Variants in XRN1 observed in about 807,000 individuals in gnomAD.
XRN1 encodes the protein strand-exchange protein 1 homolog.
In XRN1, 67 loss-of-function variants were observed where a neutral mutation model predicts 222.3. That is an observed-to-expected ratio of 0.30 (90% CI 0.25 to 0.37). The LOEUF (loss-of-function observed/expected upper bound fraction) is 0.37, where lower values mean the gene tolerates loss of function less well. Ranked by LOEUF, XRN1 falls within the 10% of genes least tolerant of loss-of-function variation. XRN1 has a pLI of 1.00. For synonymous variants in XRN1, 643 were observed against 652.4 expected (o/e 0.99, Z 0.22); for missense variants, 1,707 against 2,000.2 (o/e 0.85, Z 2.80).
chr3:142,416,994 A>G, intron 13 of XRN1, 146 bp downstream of exon 13: 1 of 498,984 alleles, frequency 2.0e-6, no homozygotes, highest in South Asian at 2.8e-5. Flanking sequence ...ATGCCACTGC[A>G]CTCCAGCCTG....
At chr3:142,320,691 A>C (rs942106294) in intron 37 of XRN1, among the ~76,000 whole-genome samples, 1 of 152,134 alleles carries the variant, frequency 6.6e-6, no homozygotes, top group African/African-American at 2.4e-5. Flanking sequence ...TTCAGGTCTT[A>C]CATTTAAGAC....
Position 142,312,770 on chromosome 3 carries a change from C to G in XRN1, c.4622-12G>C. ...AGGCATTATATTAGCTGTTAAAAAC[C>G]AAGGAAAATTTTTCTTTTAGTAAAA... On this transcript the variant is annotated splice_polypyrimidine_tract_variant and intron_variant, in intron 39 of 40. Coordinates refer to ENST00000392981, the MANE Select transcript of XRN1 (RefSeq NM_001282857.2). 6.3e-7 allele frequency: 1 copy of G among 1,577,006 alleles called. No individual in the cohort carries two copies. Among genetic ancestry groups the G allele is most frequent in the Non-Finnish European group, 8.6e-7 (1 of 1,160,706 alleles).
At position 142,447,816 on chromosome 3, in the gene XRN1, G is replaced by A. The variant is rs2070595471; in HGVS notation, c.75+54C>T. 5 of 1,598,876 alleles carry A rather than the reference G, an allele frequency of 3.1e-6. No homozygotes were observed. Among genetic ancestry groups the A allele is most frequent in the East Asian group, 4.5e-5 (2 of 44,690 alleles). On this transcript the variant is annotated intron_variant, in intron 1 of 40. Transcript: ENST00000392981. The surrounding 1 kb of genome is among the most constrained non-coding windows in gnomAD (Gnocchi z 4.2). ...AAGCCCCAGCTCTAAGGTGGAGAGGGCCGCGGAGCCCCGGGTCCTCGGCTT... is the reference window on the plus strand; with the variant it reads ...AAGCCCCAGCTCTAAGGTGGAGAGGACCGCGGAGCCCCGGGTCCTCGGCTT...
intron 33 of XRN1, among the ~76,000 whole-genome samples, chr3:142,344,750 A>AG (rs2066092710): frequency 6.6e-6 from 1 of 152,190 alleles, no homozygotes; most frequent in African/African-American, 2.4e-5. Context: ...AAGAAATTAA[A>AG]GACCGAAATA....
At chr3:142,333,925 G>T (rs933825567) in intron 34 of XRN1, among the ~76,000 whole-genome samples, 1 of 152,098 alleles carries the variant, frequency 6.6e-6, no homozygotes, top group Non-Finnish European at 1.5e-5. Context: ...CTAGTGCCTT[G>T]ATCTTGGACT....
Position 142,422,754 on chromosome 3 carries a change from C to G in XRN1, c.799-4G>C. 3.7e-6 allele frequency: 6 copies of G among 1,609,314 alleles called. No individual in the cohort carries two copies. Among genetic ancestry groups the G allele is most frequent in the Non-Finnish European group, 5.1e-6 (6 of 1,177,868 alleles). ...CATATTTAAATGTGATCTTTTCCTA[C>G]AGTAAAATAGAGAACAAAGTCAAAT... is the stretch of plus-strand genomic sequence containing the variant. On this transcript the variant is annotated splice_polypyrimidine_tract_variant and splice_region_variant and intron_variant, in intron 7 of 40. Coordinates refer to ENST00000392981, the MANE Select transcript of XRN1 (RefSeq NM_001282857.2).
At chr3:142,394,727 T>C (rs938685140) in intron 20 of XRN1, among the ~76,000 whole-genome samples, 2 of 152,232 alleles carry the variant, frequency 1.3e-5, no homozygotes, top group African/African-American at 4.8e-5. Context: ...CTGCTCCTTC[T>C]CATTGTTTTT....
chr3:142,371,980 TG>T (rs1344114506), intron 25 of XRN1, among the ~76,000 whole-genome samples: 1 of 152,070 alleles, frequency 6.6e-6, no homozygotes, highest in African/African-American at 2.4e-5. Context: ...GAACTACCAG[TG>T]GGGGAAGTCA....
chr3:142,397,543 A>G (rs2067975858), intron 19 of XRN1, 83 bp from the exon 20 acceptor site: 36 of 1,199,376 alleles, frequency 3.0e-5, no homozygotes, highest in Non-Finnish European at 3.7e-5. Context: ...TCCAAATGAA[A>G]TATTTTTTTC....
intron 3 of XRN1, 36 bp downstream of exon 3, chr3:142,426,708 T>A (rs763233032): frequency 3.2e-6 from 5 of 1,566,904 alleles, no homozygotes; most frequent in East Asian, 4.5e-5. Context: ...AATTTATATT[T>A]CAATTCTGTC....
In XRN1 at chr3:142,349,896, A is replaced by G. The variant is rs568717177; in HGVS notation, c.3769-2554T>C. ...ATGTAGGAGATAATGAGAAAATATA[A>G]TATCAAGTGATTCTCAAGGAAATAG... On this transcript the variant is annotated intron_variant, in intron 32 of 40. Coordinates refer to ENST00000392981, the MANE Select transcript of XRN1 (RefSeq NM_001282857.2). Among the ~76,000 whole-genome samples, 6 of 152,318 alleles carry G rather than the reference A, an allele frequency of 3.9e-5. No homozygotes were observed. The South Asian group carries it at 1.2e-3, about 32-fold the overall frequency.
chr3:142,394,205 T>TGG (rs1193942606), intron 20 of XRN1, among the ~76,000 whole-genome samples: 1 of 152,192 alleles, frequency 6.6e-6, no homozygotes, highest in Non-Finnish European at 1.5e-5. Context: ...ATCCACCACT[T>TGG]CAGTAACATT....
At chr3:142,401,266 T>C (rs1241113117) in intron 18 of XRN1, among the ~76,000 whole-genome samples, 1 of 152,198 alleles carries the variant, frequency 6.6e-6, no homozygotes, top group East Asian at 1.9e-4. Context: ...TTAATCCTAC[T>C]GAATCTCAGT....
intron 37 of XRN1, among the ~76,000 whole-genome samples, chr3:142,322,918 G>T (rs1188975153): frequency 6.6e-6 from 1 of 152,062 alleles, no homozygotes; most frequent in Non-Finnish European, 1.5e-5. Context: ...CAGGATAATC[G>T]CTTGAACCCG....
chr3:142,413,593 T>C (rs1355388951), intron 14 of XRN1, among the ~76,000 whole-genome samples: 2 of 152,258 alleles, frequency 1.3e-5, no homozygotes, highest in African/African-American at 2.4e-5. Flanking sequence ...TTAGTAGGCT[T>C]AGCGTAATTT....
intron 27 of XRN1, among the ~76,000 whole-genome samples, chr3:142,370,248 T>C (rs1405782905): frequency 6.6e-6 from 1 of 152,220 alleles, no homozygotes; most frequent in African/African-American, 2.4e-5. Flanking sequence ...TTAGTTATGA[T>C]GGCTAATGTA....
At chr3:142,352,806 T>C (rs192664010) in intron 32 of XRN1, among the ~76,000 whole-genome samples, 21 of 152,196 alleles carry the variant, frequency 1.4e-4, no homozygotes, top group African/African-American at 4.8e-4. Context: ...CAGCACCTGA[T>C]TGATTTTTTG....
intron 37 of XRN1, among the ~76,000 whole-genome samples, chr3:142,319,935 C>T (rs560030164): frequency 5.3e-5 from 8 of 152,024 alleles, no homozygotes; most frequent in Admixed American, 2.0e-4. Flanking sequence ...CACACACGCA[C>T]GCACACATAC....
chr3:142,319,626 T>C (rs547195967), intron 37 of XRN1, among the ~76,000 whole-genome samples: 9 of 152,244 alleles, frequency 5.9e-5, no homozygotes, highest in East Asian at 1.9e-4. Flanking sequence ...CTGATTAGTA[T>C]ACATTGTACC....
Sources: gnomAD v4.1 joint callset for allele counts (sites outside exome capture counted in the v4.1 genomes callset) on GRCh38, gnomAD v4.1.1 for gene constraint, Gnocchi (gnomAD v3.1) non-coding constraint, MANE v1.5 for transcripts, NCBI Gene and HGNC (gene_info 2026-07-23, HGNC 2026-07-21) for gene names.